GRAP2: variants seen among roughly 807,000 people sequenced by gnomAD.
GRAP2 encodes GRB2 related adaptor protein 2, also known as GRB2-related adapter protein 2.
A neutral mutation model predicts 43.5 loss-of-function variants in GRAP2; 31 were observed. The ratio of observed to expected loss-of-function variants is 0.71; its 90% CI spans 0.54 to 0.96. GRAP2 has a LOEUF of 0.96. Among genes scored for constraint, GRAP2 ranks in the 40% least tolerant of loss-of-function variants. The pLI is 0.00. For missense variants in GRAP2, 371 were observed against 424.4 expected, an observed-to-expected ratio of 0.87 and a Z score of 1.11; for synonymous variants, 156 against 164.8, an observed-to-expected ratio of 0.95 and a Z score of 0.41.
chr22:39,913,648 A>G (rs2066583125), intron 1 of GRAP2, among the ~76,000 whole-genome samples: 1 of 152,204 alleles, frequency 6.6e-6, no homozygotes, highest in South Asian at 2.1e-4. Flanking sequence ...ACCAGAAGTA[A>G]GCCAGAAGTA....
intron 1 of GRAP2, among the ~76,000 whole-genome samples, chr22:39,912,297 G>A (rs985731071): frequency 1.3e-5 from 2 of 152,160 alleles, no homozygotes; most frequent in African/African-American, 4.8e-5. Flanking sequence ...ATGCATGCCT[G>A]TAGTCCTAGC....
chr22:39,937,391 T>C (rs1244766919), intron 1 of GRAP2, among the ~76,000 whole-genome samples: 1 of 152,210 alleles, frequency 6.6e-6, no homozygotes, highest in African/African-American at 2.4e-5. Flanking sequence ...CTCTCTTTCC[T>C]CACTGAATTG....
At chr22:39,915,188 CA>C (rs71326789) in intron 1 of GRAP2, among the ~76,000 whole-genome samples, 109 of 56,866 alleles carry the variant, frequency 1.9e-3, no homozygotes, top group East Asian at 5.0e-3. Flanking sequence ...GACTCCATCT[CA>C]AAAAAAAAAA....
At chr22:39,963,609 C>T (rs1173596037) in intron 4 of GRAP2, among the ~76,000 whole-genome samples, 2 of 152,140 alleles carry the variant, frequency 1.3e-5, no homozygotes, top group East Asian at 1.9e-4. Context: ...AAGCAAGAGG[C>T]CACTTGTACA....
At chr22:39,946,711 C>T in intron 1 of GRAP2, 1 of 199,906 alleles carries the variant, frequency 5.0e-6, no homozygotes, top group Non-Finnish European at 1.0e-5. Flanking sequence ...ACAGTGTTTA[C>T]AGAATAGTCT....
chr22:39,945,002 T>C (rs1156925085), intron 1 of GRAP2, among the ~76,000 whole-genome samples: 2 of 152,180 alleles, frequency 1.3e-5, no homozygotes, highest in Non-Finnish European at 2.9e-5. Flanking sequence ...ACAGAAGTCA[T>C]GTCTCTCTGC....
chr22:39,934,471 G>T (rs531749085), intron 1 of GRAP2, among the ~76,000 whole-genome samples: 4 of 152,286 alleles, frequency 2.6e-5, no homozygotes, highest in Admixed American at 1.3e-4. Flanking sequence ...GTTCACTTAT[G>T]AAAGAAGAGT....
rs181180724 is a variant in GRAP2 at position 39,963,744 on chromosome 22, G to A, written c.291-2246G>A. ...CCCTAAGAAACCTCCATGGTCAGGCGCAGTGGCTCACGCCTGTAATCCCAG... is the reference window on the plus strand; with the variant it reads ...CCCTAAGAAACCTCCATGGTCAGGCACAGTGGCTCACGCCTGTAATCCCAG... On this transcript the variant is annotated intron_variant, in intron 4 of 7. Transcript: ENST00000344138. 2.9e-3 allele frequency among the ~76,000 whole-genome samples: 441 copies of A among 152,284 alleles called. 3 individuals carry two copies. The highest frequency in any genetic ancestry group is 0.013 in the South Asian group (63 of 4,826).
intron 1 of GRAP2, among the ~76,000 whole-genome samples, chr22:39,929,676 C>G (rs1027784888): frequency 2.0e-5 from 3 of 152,180 alleles, no homozygotes; most frequent in Non-Finnish European, 2.9e-5. Flanking sequence ...GCTACATAAT[C>G]TCTCTAGGTG....
rs776051445 is a variant in GRAP2, at chr22:39,971,014, G to C, written c.923G>C (p.Trp308Ser). 1 of 1,613,734 alleles carries C rather than the reference G, an allele frequency of 6.2e-7. No individual in the cohort carries two copies. Among genetic ancestry groups the C allele is most frequent in the Non-Finnish European group, 8.5e-7 (1 of 1,179,838 alleles). Residue 308 changes from tryptophan to serine, a missense_variant, in exon 8 of 8, where the codon TGG becomes TCG. Coordinates refer to ENST00000344138, the MANE Select transcript of GRAP2 (RefSeq NM_004810.4). Reference sequence around the variant, plus strand: ...GTCCTGGATAGCTCCAACCCATCCTGGTGGACCGGCCGCCTGCACAACAAG... The same window carrying C: ...GTCCTGGATAGCTCCAACCCATCCTCGTGGACCGGCCGCCTGCACAACAAG... ...VEVLDSSNPS[W>S]WTGRLHNKLG...
the GRAP2 span, among the ~76,000 whole-genome samples, chr22:39,895,703 A>T: frequency 6.6e-6 from 1 of 152,192 alleles, no homozygotes; most frequent in African/African-American, 2.4e-5. Context: ...AGCACCTGCT[A>T]TTTGCCAAGC....
intron 7 of GRAP2, among the ~76,000 whole-genome samples, chr22:39,970,570 C>T (rs1157454384): frequency 1.3e-5 from 2 of 152,094 alleles, no homozygotes; most frequent in Non-Finnish European, 2.9e-5. Context: ...TCCAGAGTGA[C>T]GCTGGTGCGT....
intron 1 of GRAP2, among the ~76,000 whole-genome samples, chr22:39,925,054 G>A (rs1165696374): frequency 2.0e-5 from 3 of 152,154 alleles, no homozygotes; most frequent in Non-Finnish European, 4.4e-5. Context: ...TGGGGGTTAC[G>A]GCAGGCAGGG....
intron 7 of GRAP2, among the ~76,000 whole-genome samples, chr22:39,970,274 T>G (rs1450007125): frequency 1.3e-5 from 2 of 152,054 alleles, no homozygotes; most frequent in Non-Finnish European, 2.9e-5. Flanking sequence ...AGCGATAAGC[T>G]CTTGCTATAT....
At chr22:39,914,814 G>A (rs2066591401) in intron 1 of GRAP2, among the ~76,000 whole-genome samples, 1 of 152,130 alleles carries the variant, frequency 6.6e-6, no homozygotes, top group African/African-American at 2.4e-5. Flanking sequence ...GCGACAGAAC[G>A]TACGTACGTC....
intron 3 of GRAP2, among the ~76,000 whole-genome samples, chr22:39,957,065 G>A (rs1218357736): frequency 6.6e-6 from 1 of 152,130 alleles, no homozygotes; most frequent in Non-Finnish European, 1.5e-5. Flanking sequence ...AATTGAGATT[G>A]GGCTTCGTTT....
At chr22:39,955,993 G>A in intron 3 of GRAP2, 83 bp downstream of exon 3, 1 of 764,040 alleles carries the variant, frequency 1.3e-6, no homozygotes, top group Non-Finnish European at 2.4e-6. Flanking sequence ...TTATCCATGG[G>A]AACCCAAGAC....
intron 1 of GRAP2, among the ~76,000 whole-genome samples, chr22:39,914,473 G>T (rs1601692308): frequency 1.2e-5 from 1 of 85,438 alleles, no homozygotes; most frequent in African/African-American, 1.0e-4. Context: ...GCATCATACT[G>T]TCCTGTGGAT....
At chr22:39,913,192 C>CAAAA (rs397868164) in intron 1 of GRAP2, among the ~76,000 whole-genome samples, 2 of 62,352 alleles carry the variant, frequency 3.2e-5, no homozygotes. Flanking sequence ...GACTCCATCT[C>CAAAA]AAAAAAAAAA....
Sources: gnomAD v4.1 joint callset for allele counts (sites outside exome capture counted in the v4.1 genomes callset) on GRCh38, gnomAD v4.1.1 for gene constraint, MANE v1.5 for transcripts, NCBI Gene and HGNC (gene_info 2026-07-23, HGNC 2026-07-21) for gene names.